The following EHMT1 variants were observed in gnomAD, a reference collection of about 807,000 sequenced individuals.
EHMT1 encodes the protein histone-lysine N-methyltransferase EHMT1.
EHMT1 carries 15 observed loss-of-function variants against 147.2 expected under a neutral mutation model. That is an observed-to-expected ratio of 0.10 (90% CI 0.07 to 0.16). The LOEUF (loss-of-function observed/expected upper bound fraction) is 0.16. EHMT1 is among the 10% of genes least tolerant of loss of function. The probability of loss-of-function intolerance (pLI) is 1.00; values close to 1 mark genes in which losing one functional copy is unlikely to be tolerated. For missense variants in EHMT1, 1,587 were observed against 1,772.4 expected (o/e 0.90, Z 1.88); for synonymous variants, 795 against 709.6 (o/e 1.12, Z -1.91).
intron 1 of EHMT1, among the ~76,000 whole-genome samples, chr9:137,623,064 T>G (rs1279467550): frequency 6.7e-6 from 1 of 150,322 alleles, no homozygotes; most frequent in Non-Finnish European, 1.5e-5. Flanking sequence ...TACAAGAAAA[T>G]TAGCCGGGTG....
At position 137,775,826 on chromosome 9, in the gene EHMT1, G is replaced by A. The variant is rs1009761050; in HGVS notation, c.1791+574G>A. Among the ~76,000 whole-genome samples the A allele has an allele frequency of 1.3e-5, 2 of 151,910 alleles. No individual in the cohort carries two copies. The highest frequency in any genetic ancestry group is 6.6e-5 in the Admixed American group (1 of 15,266). ...TGCTCAGCCGTGCCCAGGGCCCCCC[G>A]AGAATGGGCTGCTTCCCTTTGGAGC... On this transcript the variant is annotated intron_variant, in intron 11 of 26. Coordinates refer to ENST00000460843, the MANE Select transcript of EHMT1 (RefSeq NM_024757.5). This position sits in a 1 kb window ranked among gnomAD's most constrained non-coding sequence, Gnocchi z 6.1.
At chr9:137,816,094 T>A (rs1171319627) in intron 23 of EHMT1, 32 bp downstream of exon 23, 1 of 1,582,330 alleles carries the variant, frequency 6.3e-7, no homozygotes, top group Non-Finnish European at 8.6e-7. Context: ...GAGCCCCACA[T>A]TCTGCTCGTA....
In EHMT1 at chr9:137,743,995, G is replaced by A; in HGVS notation, c.1075G>A (p.Asp359Asn). Residue 359 changes from aspartate to asparagine, a missense_variant, in exon 6 of 27, where the codon GAC becomes AAC. By Grantham distance (23) the Asp-to-Asn change is conservative. Around this residue, in one of 7 missense-constraint regions of EHMT1, gnomAD observed 810 missense variants for 673.0 expected, o/e 1.20. Transcript: ENST00000460843. The stretch of plus-strand genomic sequence containing the variant: ...GGACGACTCAGAGGAGCTCGAGGAG[G>A]ACGACGGCCATGGTGCAGAGCAGGC... ...DEDDSEELEE[D>N]DGHGAEQAAA... 3 of 1,614,098 alleles carry A rather than the reference G, an allele frequency of 1.9e-6. No homozygotes were observed. The highest frequency in any genetic ancestry group is 2.5e-6 in the Non-Finnish European group (3 of 1,180,018).
chr9:137,774,980 C>G (rs1407165054), intron 10 of EHMT1, 129 bp from the exon 11 acceptor site: 7 of 1,360,366 alleles, frequency 5.1e-6, no homozygotes, highest in Non-Finnish European at 7.3e-6. Context: ...GCTGGCCTTG[C>G]AGGGCTCGGC....
intron 1 of EHMT1, among the ~76,000 whole-genome samples, chr9:137,627,065 C>T (rs1843307517): frequency 6.6e-6 from 1 of 152,108 alleles, no homozygotes; most frequent in African/African-American, 2.4e-5. Flanking sequence ...TCAAGCGCTT[C>T]TCCTGCCTTC....
intron 10 of EHMT1, among the ~76,000 whole-genome samples, chr9:137,770,693 G>T (rs888296519): frequency 9.2e-5 from 14 of 152,192 alleles, no homozygotes. Flanking sequence ...TGTTCAGCAA[G>T]ACAGAAGGAT....
intron 16 of EHMT1, chr9:137,792,257 C>T (rs1356942446): frequency 1.9e-5 from 7 of 362,520 alleles, no homozygotes; most frequent in Admixed American, 7.5e-5. Flanking sequence ...CAGAAATAAA[C>T]GATTGCATAT....
intron 1 of EHMT1, among the ~76,000 whole-genome samples, chr9:137,636,695 T>G (rs1037043577): frequency 1.3e-5 from 2 of 152,154 alleles, no homozygotes; most frequent in Non-Finnish European, 2.9e-5. Flanking sequence ...TTACATAGAT[T>G]TTCATATGCT....
chr9:137,619,370 C>A (rs1380257723), intron 1 of EHMT1, among the ~76,000 whole-genome samples: 1 of 151,668 alleles, frequency 6.6e-6, no homozygotes. Flanking sequence ...CGTGCCGCCG[C>A]CGCCGCCCGC....
intron 4 of EHMT1, among the ~76,000 whole-genome samples, chr9:137,737,900 A>G (rs1947684893): frequency 6.6e-6 from 1 of 152,262 alleles, no homozygotes; most frequent in Non-Finnish European, 1.5e-5. Context: ...TGATTAAAAA[A>G]TCAGCAAAGG....
At chr9:137,771,881 C>T (rs780281839) in intron 10 of EHMT1, among the ~76,000 whole-genome samples, 2 of 152,084 alleles carry the variant, frequency 1.3e-5, no homozygotes, top group Non-Finnish European at 2.9e-5. Context: ...GTATCTCGCT[C>T]AGGAGCGGGG....
At chr9:137,669,361 C>G (rs1379794882) in intron 1 of EHMT1, among the ~76,000 whole-genome samples, 3 of 150,154 alleles carry the variant, frequency 2.0e-5, no homozygotes, top group Non-Finnish European at 3.0e-5. Context: ...CAAGACGCTC[C>G]CACAGCACGT....
intron 25 of EHMT1, 45 bp downstream of exon 25, chr9:137,818,183 G>A: frequency 6.3e-7 from 1 of 1,596,608 alleles, no homozygotes; most frequent in Non-Finnish European, 8.6e-7. Context: ...CTTGTGAACT[G>A]TAAAACCTGA....
chr9:137,703,554 T>C (rs1483001408), intron 1 of EHMT1, among the ~76,000 whole-genome samples: 1 of 152,122 alleles, frequency 6.6e-6, no homozygotes, highest in Non-Finnish European at 1.5e-5. Flanking sequence ...GTTCCACAGA[T>C]CCTTAGAGCA....
chr9:137,791,366 A>C (rs1391901134), intron 16 of EHMT1, among the ~76,000 whole-genome samples: 1 of 152,204 alleles, frequency 6.6e-6, no homozygotes, highest in Admixed American at 6.5e-5. Context: ...AGAAAATCCT[A>C]AAGAATATGC....
chr9:137,766,720 G>A (rs574355854), intron 10 of EHMT1, among the ~76,000 whole-genome samples: 33 of 152,340 alleles, frequency 2.2e-4, no homozygotes, highest in Middle Eastern at 3.4e-3. Context: ...TGCACCGTAC[G>A]TCATTTTCTA....
intron 15 of EHMT1, among the ~76,000 whole-genome samples, chr9:137,783,889 C>T (rs1951755517): frequency 6.6e-6 from 1 of 152,238 alleles, no homozygotes; most frequent in South Asian, 2.1e-4. Flanking sequence ...GACCTTTTCC[C>T]TCGTTTTTGG....
rs534430602 is a variant in EHMT1 at position 137,704,002 on chromosome 9, C to T, written c.22-6965C>T. Among the ~76,000 whole-genome samples the T allele has an allele frequency of 1.2e-4, 19 of 152,078 alleles. No homozygotes were observed. In the South Asian group the frequency reaches 2.7e-3, roughly 22 times the overall value. Reference sequence around the variant, plus strand: ...GCCTCAGGAAACTTAGCAATCATGGCGGGAGGGCAAAGGGGAAGCGAGCAC... The same window carrying T: ...GCCTCAGGAAACTTAGCAATCATGGTGGGAGGGCAAAGGGGAAGCGAGCAC... On this transcript the variant is annotated intron_variant, in intron 1 of 26. Coordinates refer to ENST00000460843, the MANE Select transcript of EHMT1 (RefSeq NM_024757.5).
intron 6 of EHMT1, chr9:137,746,638 G>A (rs372683651): frequency 9.2e-5 from 14 of 152,134 alleles, no homozygotes; most frequent in East Asian, 3.8e-4. Context: ...GCTCAGAATG[G>A]GGGAAGTTTA....
Sources: allele counts gnomAD v4.1 joint callset (sites outside exome capture counted in the v4.1 genomes callset), GRCh38; gene constraint gnomAD v4.1.1; regional missense constraint gnomAD v4.1.1; non-coding constraint Gnocchi (gnomAD v3.1); transcripts MANE v1.5; gene names NCBI Gene and HGNC (gene_info 2026-07-23, HGNC 2026-07-21).